The following MAPK8 variants were observed in gnomAD, a reference collection of about 807,000 sequenced individuals.
The protein encoded by MAPK8 is mitogen-activated protein kinase 8.
In MAPK8, 13 loss-of-function variants were observed where a neutral mutation model predicts 52.9. The ratio of observed to expected loss-of-function variants is 0.25; its 90% CI spans 0.16 to 0.39. The LOEUF is 0.39. Ranked by LOEUF, MAPK8 falls within the 10% of genes least tolerant of loss-of-function variation. MAPK8 has a pLI of 1.00. For synonymous variants in MAPK8, 191 were observed against 169.8 expected, an observed-to-expected ratio of 1.12 and a Z score of -0.97; for missense variants, 300 against 519.2, an observed-to-expected ratio of 0.58 and a Z score of 4.10.
At position 48,420,314 on chromosome 10, in the gene MAPK8, GA is replaced by G; in HGVS notation, c.614del (p.Asn205ThrfsTer45). The G allele has an allele frequency of 1.2e-6, 2 of 1,604,378 alleles. No homozygotes were observed. Among genetic ancestry groups the G allele is most frequent in the Non-Finnish European group, 1.7e-6 (2 of 1,174,218 alleles). ...PEVILGMGYKENVDLWSVGCI... is the reference protein window; with the variant it reads ...PEVILGMGYKXNVDLWSVGCI... ...GGTCATCCTTGGCATGGGCTACAAG[GA>G]AAACGGTCAGCACACACATTTATTT... On this transcript the variant is annotated frameshift_variant, in exon 6 of 12. Coordinates refer to ENST00000374189, the MANE Select transcript of MAPK8 (RefSeq NM_001323329.2). LOFTEE classifies it high-confidence loss of function.
At chr10:48,332,143 G>A (rs1844214236) in intron 1 of MAPK8, among the ~76,000 whole-genome samples, 1 of 152,206 alleles carries the variant, frequency 6.6e-6, no homozygotes, top group South Asian at 2.1e-4. Context: ...ATTACTGGCA[G>A]TGGCTGTTGG....
At chr10:48,385,357 AC>A (rs1344621482) in intron 1 of MAPK8, among the ~76,000 whole-genome samples, 3 of 152,234 alleles carry the variant, frequency 2.0e-5, no homozygotes, top group Non-Finnish European at 4.4e-5. Flanking sequence ...CCACAAAAAA[AC>A]AAGCTATTTT....
At chr10:48,327,119 A>G (rs1404508764) in intron 1 of MAPK8, among the ~76,000 whole-genome samples, 3 of 152,142 alleles carry the variant, frequency 2.0e-5, no homozygotes, top group Non-Finnish European at 4.4e-5. Context: ...GAATAGGAGT[A>G]ATGGGAGGAG....
At chr10:48,407,392 G>GTTC (rs1290609652) in intron 3 of MAPK8, among the ~76,000 whole-genome samples, 1 of 152,016 alleles carries the variant, frequency 6.6e-6, no homozygotes, top group Non-Finnish European at 1.5e-5. Flanking sequence ...TATTGCTATT[G>GTTC]TTCTTTGTTG....
intron 1 of MAPK8, among the ~76,000 whole-genome samples, chr10:48,337,332 A>T (rs907244753): frequency 5.3e-5 from 8 of 152,232 alleles, no homozygotes; most frequent in Admixed American, 3.3e-4. Flanking sequence ...ACGTAAGTAC[A>T]TGGAAATGAA....
At chr10:48,376,003 A>T (rs1228227191) in intron 1 of MAPK8, among the ~76,000 whole-genome samples, 10 of 152,236 alleles carry the variant, frequency 6.6e-5, no homozygotes, top group Non-Finnish European at 2.9e-5. Flanking sequence ...ACAAGGCTAC[A>T]GTAACTAAAA....
At position 48,409,932 on chromosome 10, in the gene MAPK8, A is replaced by G. The variant is rs1026532048; in HGVS notation, c.306A>G (p.Gln102=). ...FTPQKSLEEF[Q]DVYIVMELMD... ...CACAGAAATCCCTAGAAGAATTTCAAGATGTGTAAGTGTAATAATTAAAAT... is the reference window on the plus strand; with the variant it reads ...CACAGAAATCCCTAGAAGAATTTCAGGATGTGTAAGTGTAATAATTAAAAT... Residue 102 remains glutamine, a synonymous_variant, in exon 4 of 12, where the codon CAA becomes CAG. Transcript: ENST00000374189. The G allele has an allele frequency of 3.7e-6, 6 of 1,611,386 alleles. No homozygotes were observed. Among genetic ancestry groups the G allele is most frequent in the Non-Finnish European group, 5.1e-6 (6 of 1,178,084 alleles).
chr10:48,437,312 G>A lies in MAPK8; in HGVS notation c.*2283G>A, dbSNP rs924348636. 1 of 151,940 alleles carries A rather than the reference G, an allele frequency of 6.6e-6. No homozygotes were observed. The highest frequency in any genetic ancestry group is 2.4e-5 in the African/African-American group (1 of 41,366). 9.4% of individuals were successfully genotyped at this position (151,940 alleles called of 1,614,324 possible). On this transcript the variant is annotated 3_prime_UTR_variant, in exon 12 of 12. Coordinates refer to ENST00000374189, the MANE Select transcript of MAPK8 (RefSeq NM_001323329.2). Reference sequence around the variant, plus strand: ...CTTAAATTTGTTAAGCTAAATATATGTTGGTTCTTTTTATTTTGGAATCCT... The same window carrying A: ...CTTAAATTTGTTAAGCTAAATATATATTGGTTCTTTTTATTTTGGAATCCT...
chr10:48,354,906 T>G (rs1219926475), intron 1 of MAPK8, among the ~76,000 whole-genome samples: 1 of 152,142 alleles, frequency 6.6e-6, no homozygotes, highest in Non-Finnish European at 1.5e-5. Context: ...GAAATTCTCT[T>G]TGGAGAAACT....
intron 1 of MAPK8, among the ~76,000 whole-genome samples, chr10:48,327,147 T>G (rs1843609468): frequency 6.6e-6 from 1 of 152,218 alleles, no homozygotes; most frequent in African/African-American, 2.4e-5. Context: ...TGCCTTATTC[T>G]TGTTCTTGGG....
intron 1 of MAPK8, among the ~76,000 whole-genome samples, chr10:48,330,510 G>A (rs188466330): frequency 1.3e-5 from 2 of 152,248 alleles, no homozygotes; most frequent in African/African-American, 4.8e-5. Flanking sequence ...GACCATAAAG[G>A]GATTTGCAGA....
At chr10:48,366,852 A>T (rs1269692452) in intron 1 of MAPK8, among the ~76,000 whole-genome samples, 3 of 152,098 alleles carry the variant, frequency 2.0e-5, no homozygotes, top group African/African-American at 7.2e-5. Flanking sequence ...GGAAAGCTTT[A>T]TTAGTGCAGT....
At chr10:48,355,908 C>G (rs1016410792) in intron 1 of MAPK8, among the ~76,000 whole-genome samples, 13 of 152,094 alleles carry the variant, frequency 8.5e-5, no homozygotes, top group African/African-American at 2.9e-4. Context: ...TAAGGTCACA[C>G]CCAGAAGACA....
chr10:48,415,033 T>TCA, intron 5 of MAPK8, among the ~76,000 whole-genome samples: 1 of 151,182 alleles, frequency 6.6e-6, no homozygotes, highest in African/African-American at 2.5e-5. Context: ...GGCTTTTTTT[T>TCA]TAAGTGAACA....
Position 48,427,154 on chromosome 10 carries a change from C to G in MAPK8, c.1060+11C>G. ...TAGAAGAGTGGAAAGGTACATTCGTCAGATTCTTAGAGGGAAAACTGTGAA... is the reference window on the plus strand; with the variant it reads ...TAGAAGAGTGGAAAGGTACATTCGTGAGATTCTTAGAGGGAAAACTGTGAA... On this transcript the variant is annotated intron_variant, in intron 10 of 11. Transcript: ENST00000374189. 1 of 1,603,608 alleles carries G rather than the reference C, an allele frequency of 6.2e-7. No individual in the cohort carries two copies. The highest frequency in any genetic ancestry group is 8.5e-7 in the Non-Finnish European group (1 of 1,171,620).
rs140774844 is a variant in MAPK8 at position 48,375,156 on chromosome 10, A to G, written c.-49-26456A>G. Among the ~76,000 whole-genome samples, 591 of 152,362 alleles carry G rather than the reference A, an allele frequency of 3.9e-3. 2 individuals carry two copies. The highest frequency in any genetic ancestry group is 0.013 in the African/African-American group (551 of 41,590). ...ACAAAAACCACATGATTATCTGAAT[A>G]GATGCAGAAAAGGCCTTTGACAAAA... On this transcript the variant is annotated intron_variant, in intron 1 of 11. Transcript: ENST00000374189.
intron 1 of MAPK8, among the ~76,000 whole-genome samples, chr10:48,335,243 G>A (rs1301923306): frequency 6.6e-6 from 1 of 152,008 alleles, no homozygotes; most frequent in Non-Finnish European, 1.5e-5. Flanking sequence ...CAAAATTCTA[G>A]TTAATCATGC....
At chr10:48,425,305 C>CA (rs1261110237) in intron 7 of MAPK8, 1 of 581,440 alleles carries the variant, frequency 1.7e-6, no homozygotes, top group African/African-American at 1.9e-5. Flanking sequence ...TACAACTTAG[C>CA]AAAAAACTGA....
intron 1 of MAPK8, among the ~76,000 whole-genome samples, chr10:48,345,295 T>C (rs906703881): frequency 6.6e-6 from 1 of 152,160 alleles, no homozygotes; most frequent in South Asian, 2.1e-4. Flanking sequence ...TTGTTAACCC[T>C]CTCTCTCAAC....
Sources: allele counts gnomAD v4.1 joint callset (sites outside exome capture counted in the v4.1 genomes callset), GRCh38; gene constraint gnomAD v4.1.1; transcripts MANE v1.5; gene names NCBI Gene and HGNC (gene_info 2026-07-23, HGNC 2026-07-21).